RBL1: variants seen among roughly 807,000 people sequenced by gnomAD.
The protein encoded by RBL1 is retinoblastoma-like protein 1.
In RBL1, 82 loss-of-function variants were observed where a neutral mutation model predicts 123.0. The observed-to-expected ratio is 0.67, with a 90% CI of 0.56 to 0.80. RBL1 has a LOEUF of 0.80. Among genes scored for constraint, RBL1 ranks in the 30% least tolerant of loss-of-function variants. The probability of loss-of-function intolerance (pLI) is 0.00; values close to 1 mark genes in which losing one functional copy is unlikely to be tolerated. For synonymous variants in RBL1, 405 were observed against 441.3 expected (o/e 0.92, Z 1.03); for missense variants, 1,171 against 1,299.6 (o/e 0.90, Z 1.52).
At chr20:37,083,746 A>G (rs1302965055) in intron 2 of RBL1, among the ~76,000 whole-genome samples, 3 of 148,766 alleles carry the variant, frequency 2.0e-5, no homozygotes, top group Non-Finnish European at 3.0e-5. Flanking sequence ...AGGAGGCTGC[A>G]GTGAGCAGAG....
chr20:37,005,606 A>G (rs1033386647), intron 20 of RBL1, among the ~76,000 whole-genome samples: 1 of 152,194 alleles, frequency 6.6e-6, no homozygotes, highest in Non-Finnish European at 1.5e-5. Flanking sequence ...TCATATGGAA[A>G]TGGAAAAGAT....
At chr20:37,015,973 C>T (rs1056098692) in intron 19 of RBL1, among the ~76,000 whole-genome samples, 3 of 150,344 alleles carry the variant, frequency 2.0e-5, no homozygotes, top group Non-Finnish European at 4.4e-5. Context: ...CCACCCGCCT[C>T]GGCCTCCCAA....
intron 6 of RBL1, 47 bp from the exon 7 acceptor site, chr20:37,065,520 A>G (rs1034123243): frequency 2.4e-6 from 3 of 1,251,276 alleles, no homozygotes; most frequent in Admixed American, 3.8e-5. Context: ...TAAGCATATT[A>G]ATACACACAC....
chr20:37,054,059 T>C (rs914766403), intron 11 of RBL1, among the ~76,000 whole-genome samples: 1 of 141,472 alleles, frequency 7.1e-6, no homozygotes, highest in African/African-American at 2.6e-5. Flanking sequence ...ACACACACAC[T>C]GTTTTAATGT....
chr20:37,043,527 G>C (rs1190687548), intron 13 of RBL1, among the ~76,000 whole-genome samples: 1 of 151,642 alleles, frequency 6.6e-6, no homozygotes, highest in Non-Finnish European at 1.5e-5. Flanking sequence ...AAATTAGCCG[G>C]GTGTGGGTGT....
chr20:37,072,806 G>A (rs1444699829), intron 2 of RBL1, among the ~76,000 whole-genome samples: 1 of 152,166 alleles, frequency 6.6e-6, no homozygotes, highest in Non-Finnish European at 1.5e-5. Context: ...CTATGTCCCT[G>A]CTAGATGGAT....
chr20:37,063,154 T>TACCTCCCAG (rs1382725132), intron 7 of RBL1, among the ~76,000 whole-genome samples: 31 of 152,028 alleles, frequency 2.0e-4, no homozygotes, highest in African/African-American at 6.5e-4. Flanking sequence ...CTTGGCACAC[T>TACCTCCCAG]GCAGCCTCTA....
At chr20:37,057,323 G>A (rs943719275) in intron 9 of RBL1, among the ~76,000 whole-genome samples, 7 of 152,152 alleles carry the variant, frequency 4.6e-5, no homozygotes, top group Non-Finnish European at 1.0e-4. Context: ...TACCAACAGT[G>A]TGTAAGGGTC....
rs184375667 is a variant in RBL1, at chr20:37,043,186, A to C, written c.1770+900T>G. Among the ~76,000 whole-genome samples, 527 of 151,140 alleles carry C rather than the reference A, an allele frequency of 3.5e-3. 1 individual carries two copies. Among genetic ancestry groups the C allele is most frequent in the Middle Eastern group, 6.8e-3 (2 of 292 alleles). ...TGCACACACACACACACACACACACAATTAGCCGGGTGTGGCCAGGCGCGG... is the reference window on the plus strand; with the variant it reads ...TGCACACACACACACACACACACACCATTAGCCGGGTGTGGCCAGGCGCGG... On this transcript the variant is annotated intron_variant, in intron 13 of 21. Coordinates refer to ENST00000373664, the MANE Select transcript of RBL1 (RefSeq NM_002895.5).
At chr20:37,088,335 A>C (rs2065586536) in intron 2 of RBL1, among the ~76,000 whole-genome samples, 1 of 152,128 alleles carries the variant, frequency 6.6e-6, no homozygotes, top group Non-Finnish European at 1.5e-5. Context: ...ATGAGAAAGC[A>C]AATGGGATAA....
In RBL1 at chr20:36,997,825, T is replaced by G. The variant is rs1168098782; in HGVS notation, c.*934A>C. On this transcript the variant is annotated 3_prime_UTR_variant, in exon 22 of 22. Coordinates refer to ENST00000373664, the MANE Select transcript of RBL1 (RefSeq NM_002895.5). Reference sequence around the variant, plus strand: ...GTGCCCCATTTATTGGGTTGTGACATCAGGCTGAGATGGCTTAGGGCTGGA... The same window carrying G: ...GTGCCCCATTTATTGGGTTGTGACAGCAGGCTGAGATGGCTTAGGGCTGGA... 3 of 152,100 alleles carry G rather than the reference T, an allele frequency of 2.0e-5. No individual in the cohort carries two copies. Among genetic ancestry groups the G allele is most frequent in the Non-Finnish European group, 1.5e-5 (1 of 68,028 alleles). 9.4% of individuals were successfully genotyped at this position (152,100 alleles called of 1,614,324 possible).
Position 37,018,278 on chromosome 20 carries a change from C to T in RBL1, c.2722+1G>A. 6.2e-7 allele frequency: 1 copy of T among 1,606,674 alleles called. No homozygotes were observed. Among genetic ancestry groups the T allele is most frequent in the African/African-American group, 1.3e-5 (1 of 74,652 alleles). On this transcript the variant is annotated splice_donor_variant, in intron 19 of 21. Coordinates refer to ENST00000373664, the MANE Select transcript of RBL1 (RefSeq NM_002895.5). LOFTEE classifies it high-confidence loss of function. Reference sequence around the variant, plus strand: ...ATAATATGTTAAATTGGATAACTTACCACAATCTATCATTTCAAAGTCATC... The same window carrying T: ...ATAATATGTTAAATTGGATAACTTATCACAATCTATCATTTCAAAGTCATC...
chr20:37,008,469 A>G (rs1188551287), intron 19 of RBL1, among the ~76,000 whole-genome samples: 1 of 152,174 alleles, frequency 6.6e-6, no homozygotes, highest in Non-Finnish European at 1.5e-5. Context: ...GCTTACCCCA[A>G]CATAGTTTCC....
At chr20:37,064,241 G>A (rs546196157) in intron 7 of RBL1, among the ~76,000 whole-genome samples, 6 of 150,936 alleles carry the variant, frequency 4.0e-5, no homozygotes, top group Middle Eastern at 3.5e-3. Flanking sequence ...GGGTTCAAGC[G>A]ATCCGCCTGC....
At position 37,004,574 on chromosome 20, in the gene RBL1, G is replaced by A. The variant is rs180815900; in HGVS notation, c.2872-708C>T. ...CTAAAAATGCAAAAATTAGCTGGGC[G>A]TGGTGGCATATGCCTGTAATCCGAG... On this transcript the variant is annotated intron_variant, in intron 20 of 21. Coordinates refer to ENST00000373664, the MANE Select transcript of RBL1 (RefSeq NM_002895.5). Among the ~76,000 whole-genome samples the A allele has an allele frequency of 1.3e-4, 20 of 149,180 alleles. No homozygotes were observed. The East Asian group carries it at 3.9e-3, about 29-fold the overall frequency.
At chr20:37,057,051 A>ACC (rs2065024233) in intron 9 of RBL1, among the ~76,000 whole-genome samples, 3 of 148,612 alleles carry the variant, frequency 2.0e-5, no homozygotes, top group Non-Finnish European at 4.5e-5. Context: ...CTACCTACCT[A>ACC]TCTACCTATC....
intron 7 of RBL1, 25 bp from the exon 8 acceptor site, chr20:37,062,295 G>GT (rs1362943806): frequency 6.2e-7 from 1 of 1,604,572 alleles, no homozygotes; most frequent in East Asian, 2.2e-5. Flanking sequence ...ATTATAAGCT[G>GT]TAATACTAAG....
chr20:37,001,124 G>A (rs2063971090), intron 21 of RBL1, among the ~76,000 whole-genome samples: 1 of 148,880 alleles, frequency 6.7e-6, no homozygotes, highest in South Asian at 2.1e-4. Context: ...GAGGGAGGCG[G>A]GGGGGTCAGC....
intron 7 of RBL1, among the ~76,000 whole-genome samples, chr20:37,063,410 A>T (rs972116250): frequency 6.6e-6 from 1 of 151,978 alleles, no homozygotes; most frequent in Non-Finnish European, 1.5e-5. Flanking sequence ...GCACTTTGGG[A>T]GGCTATGGTG....
Sources: allele counts gnomAD v4.1 joint callset (sites outside exome capture counted in the v4.1 genomes callset), GRCh38; gene constraint gnomAD v4.1.1; transcripts MANE v1.5; gene names NCBI Gene and HGNC (gene_info 2026-07-23, HGNC 2026-07-21).